SCAPER: variants seen among roughly 807,000 people sequenced by gnomAD.
SCAPER encodes S-phase cyclin A associated protein in the ER.
SCAPER carries 98 observed loss-of-function variants against 182.2 expected under a neutral mutation model. That is an observed-to-expected ratio of 0.54 (90% CI 0.46 to 0.64). The LOEUF (loss-of-function observed/expected upper bound fraction) is 0.64. Among genes scored for constraint, SCAPER ranks in the 30% least tolerant of loss-of-function variants. The probability of loss-of-function intolerance (pLI) is 0.00; values close to 1 mark genes in which losing one functional copy is unlikely to be tolerated. For synonymous variants in SCAPER, 605 were observed against 564.6 expected (o/e 1.07, Z -1.01); for missense variants, 1,432 against 1,690.0 (o/e 0.85, Z 2.68).
At chr15:76,666,107 CAAGCCA>C (rs2056554093) in intron 20 of SCAPER, among the ~76,000 whole-genome samples, 1 of 152,008 alleles carries the variant, frequency 6.6e-6, no homozygotes, top group South Asian at 2.1e-4. Flanking sequence ...TCTATAATAC[CAAGCCA>C]ATCAGAGATT....
intron 20 of SCAPER, among the ~76,000 whole-genome samples, chr15:76,689,650 C>T (rs2058238116): frequency 1.3e-5 from 2 of 151,478 alleles, no homozygotes; most frequent in Non-Finnish European, 2.9e-5. Context: ...ATGAGCACTC[C>T]TTATATCTAG....
chr15:76,722,960 C>A (rs1463169511), intron 17 of SCAPER, among the ~76,000 whole-genome samples: 1 of 151,908 alleles, frequency 6.6e-6, no homozygotes, highest in Non-Finnish European at 1.5e-5. Context: ...TTATTTCTTG[C>A]CTTCTGCTAG....
chr15:76,894,628 G>A (rs567432780), intron 1 of SCAPER, among the ~76,000 whole-genome samples: 1 of 152,056 alleles, frequency 6.6e-6, no homozygotes, highest in African/African-American at 2.4e-5. Context: ...TTTTGAAAAA[G>A]ATAAATGAAA....
At chr15:76,489,273 T>C (rs2516308) in intron 24 of SCAPER, among the ~76,000 whole-genome samples, 136,774 of 140,764 alleles carry the variant, frequency 0.97, 66,581 homozygotes, top group Middle Eastern at 1. Context: ...CAACCTAATA[T>C]TATTTTTGCT....
At chr15:76,839,324 T>G (rs1402063774) in intron 5 of SCAPER, among the ~76,000 whole-genome samples, 1 of 152,198 alleles carries the variant, frequency 6.6e-6, no homozygotes, top group East Asian at 1.9e-4. Context: ...TTCAGTGCAT[T>G]AACAAAACAA....
chr15:76,512,810 T>C (rs2042144265), intron 23 of SCAPER, among the ~76,000 whole-genome samples: 1 of 151,826 alleles, frequency 6.6e-6, no homozygotes, highest in Non-Finnish European at 1.5e-5. Context: ...AGCCAACTTT[T>C]TACTAATGTA....
At chr15:76,705,090 T>C (rs1320476168) in intron 18 of SCAPER, among the ~76,000 whole-genome samples, 1 of 152,082 alleles carries the variant, frequency 6.6e-6, no homozygotes, top group East Asian at 1.9e-4. Flanking sequence ...TAAAGACACA[T>C]GCACACATAT....
chr15:76,624,956 T>C (rs1201630417), intron 21 of SCAPER, among the ~76,000 whole-genome samples: 3 of 152,100 alleles, frequency 2.0e-5, no homozygotes, highest in Non-Finnish European at 4.4e-5. Context: ...ATGTTGTTGG[T>C]GGTAGCCTTC....
chr15:76,869,931 T>C (rs928032057), intron 2 of SCAPER, among the ~76,000 whole-genome samples: 3 of 152,176 alleles, frequency 2.0e-5, no homozygotes, highest in African/African-American at 7.2e-5. Flanking sequence ...AATAAAATCC[T>C]GTCACTTGCA....
chr15:76,665,578 TTG>T, intron 21 of SCAPER, 73 bp downstream of exon 21: 1 of 1,463,670 alleles, frequency 6.8e-7, no homozygotes, highest in Non-Finnish European at 9.0e-7. Context: ...TAAACTTTTT[TTG>T]TCTTCCTTGG....
At chr15:76,375,853 C>T (rs1483461403) in intron 29 of SCAPER, among the ~76,000 whole-genome samples, 5 of 152,112 alleles carry the variant, frequency 3.3e-5, no homozygotes, top group Non-Finnish European at 5.9e-5. Context: ...GATGTGGTGG[C>T]GGTTGCCTGT....
At chr15:76,430,582 T>C (rs762869251) in intron 26 of SCAPER, among the ~76,000 whole-genome samples, 3 of 152,240 alleles carry the variant, frequency 2.0e-5, no homozygotes, top group Non-Finnish European at 4.4e-5. Flanking sequence ...TGGACTGGCA[T>C]GGGGCCTGTA....
intron 3 of SCAPER, among the ~76,000 whole-genome samples, chr15:76,860,036 T>C (rs571999136): frequency 2.6e-5 from 4 of 152,314 alleles, no homozygotes; most frequent in African/African-American, 9.6e-5. Context: ...GTTTTATTGT[T>C]ACAATAGTCA....
chr15:76,489,308 A>G (rs1567252342), intron 24 of SCAPER, among the ~76,000 whole-genome samples: 1 of 150,264 alleles, frequency 6.7e-6, no homozygotes, highest in South Asian at 2.1e-4. Context: ...TTTTAAAAAT[A>G]TAAGTACAAT....
At chr15:76,727,217 C>G (rs940004283) in intron 17 of SCAPER, among the ~76,000 whole-genome samples, 7 of 151,948 alleles carry the variant, frequency 4.6e-5, no homozygotes, top group Admixed American at 2.6e-4. Flanking sequence ...AGATTCAATG[C>G]AATTCCAATC....
At chr15:76,469,769 A>G (rs1033017074) in intron 25 of SCAPER, among the ~76,000 whole-genome samples, 16 of 152,156 alleles carry the variant, frequency 1.1e-4, no homozygotes, top group Non-Finnish European at 1.0e-4. Flanking sequence ...TGGAATAGTA[A>G]TACTGACTTT....
At chr15:76,749,361 T>C (rs1023701788) in intron 15 of SCAPER, among the ~76,000 whole-genome samples, 1 of 152,072 alleles carries the variant, frequency 6.6e-6, no homozygotes, top group African/African-American at 2.4e-5. Context: ...ATAACAAACA[T>C]CTATGAAATG....
intron 1 of SCAPER, among the ~76,000 whole-genome samples, chr15:76,899,401 T>A (rs2074625042): frequency 6.6e-6 from 1 of 152,236 alleles, no homozygotes; most frequent in Non-Finnish European, 1.5e-5. Flanking sequence ...TGGCCTCGGA[T>A]GAACTGCCCG....
chr15:76,720,002 A>G (rs1345501128), intron 17 of SCAPER, among the ~76,000 whole-genome samples: 5 of 151,918 alleles, frequency 3.3e-5, no homozygotes, highest in African/African-American at 1.2e-4. Context: ...ATATGTATAC[A>G]TGTGCCATGT....
Sources: gnomAD v4.1 joint callset for allele counts (sites outside exome capture counted in the v4.1 genomes callset) on GRCh38, gnomAD v4.1.1 for gene constraint, MANE v1.5 for transcripts, NCBI Gene and HGNC (gene_info 2026-07-23, HGNC 2026-07-21) for gene names.